The following GSE1 variants were observed in gnomAD, a reference collection of about 807,000 sequenced individuals.
The protein encoded by GSE1 is Gse1 coiled-coil protein, also known as genetic suppressor element 1.
In GSE1, 32 loss-of-function variants were observed where a neutral mutation model predicts 112.6. The observed-to-expected ratio is 0.28, with a 90% CI of 0.21 to 0.38. The LOEUF is 0.38. GSE1 is among the 10% of genes least tolerant of loss of function. GSE1 has a pLI of 1.00. For missense variants in GSE1, 2,348 were observed against 1,699.2 expected (o/e 1.38, Z -6.71); for synonymous variants, 1,115 against 735.6 (o/e 1.52, Z -8.35).
At chr16:85,176,545 A>ATTGCTGCAT (rs1377799616) in intron 1 of GSE1, among the ~76,000 whole-genome samples, 1 of 152,250 alleles carries the variant, frequency 6.6e-6, no homozygotes, top group Non-Finnish European at 1.5e-5. Flanking sequence ...CTCCCGTCGA[A>ATTGCTGCAT]GATGGGTCTG....
intron 1 of GSE1, among the ~76,000 whole-genome samples, chr16:85,246,476 C>G (rs889728531): frequency 1.5e-4 from 10 of 64,590 alleles, no homozygotes; most frequent in African/African-American, 4.2e-4. Flanking sequence ...ACGCTGCACA[C>G]ACACACACAC....
At chr16:85,491,383 A>G (rs1227622410) in intron 2 of GSE1, among the ~76,000 whole-genome samples, 1 of 152,176 alleles carries the variant, frequency 6.6e-6, no homozygotes, top group Non-Finnish European at 1.5e-5. Flanking sequence ...CTACAGGAAC[A>G]GGAGAGGTGG....
At chr16:85,522,400 C>T (rs2052216915) in intron 2 of GSE1, among the ~76,000 whole-genome samples, 1 of 141,152 alleles carries the variant, frequency 7.1e-6, no homozygotes, top group African/African-American at 2.5e-5. Flanking sequence ...CCCAGCCCAT[C>T]CCTCCCCATG....
intron 2 of GSE1, among the ~76,000 whole-genome samples, chr16:85,523,919 G>C (rs1190785708): frequency 6.6e-6 from 1 of 152,242 alleles, no homozygotes; most frequent in East Asian, 1.9e-4. Context: ...GGAGGGCGCA[G>C]GAGGGGGCAG....
At chr16:85,670,908 G>A in intron 14 of GSE1, 87 bp from the exon 15 acceptor site, 3 of 822,690 alleles carry the variant, frequency 3.6e-6, no homozygotes, top group East Asian at 2.5e-5. Flanking sequence ...TTTGGGCTCT[G>A]CTGGGCAGGG....
chr16:85,424,110 C>A (rs576159514), intron 2 of GSE1, among the ~76,000 whole-genome samples: 2 of 152,384 alleles, frequency 1.3e-5, no homozygotes, highest in South Asian at 2.1e-4. Flanking sequence ...GAAGAGTGTT[C>A]TGGGGTCTCT....
chr16:85,590,298 G>C (rs542320381), intron 1 of GSE1, among the ~76,000 whole-genome samples: 1 of 151,520 alleles, frequency 6.6e-6, no homozygotes, highest in Non-Finnish European at 1.5e-5. Flanking sequence ...GACTGTGTGT[G>C]TGAACGCATG....
upstream of GSE1, among the ~76,000 whole-genome samples, chr16:85,552,195 T>G (rs986439074): frequency 1.3e-4 from 19 of 151,746 alleles, no homozygotes; most frequent in African/African-American, 4.4e-4. Flanking sequence ...CCAGCTAATT[T>G]TTTGTATTTT....
intron 2 of GSE1, among the ~76,000 whole-genome samples, chr16:85,546,234 G>A (rs780627491): frequency 1.9e-4 from 29 of 152,104 alleles, no homozygotes; most frequent in Admixed American, 5.2e-4. Context: ...ACAGACGTGC[G>A]CCACTGTGCC....
chr16:85,563,672 G>A (rs1345868053), intron 1 of GSE1, among the ~76,000 whole-genome samples: 5 of 152,218 alleles, frequency 3.3e-5, no homozygotes, highest in Admixed American at 1.3e-4. Context: ...GACAGGAAGC[G>A]CCCTCTGACC....
intron 1 of GSE1, among the ~76,000 whole-genome samples, chr16:85,572,108 C>T (rs893240637): frequency 1.3e-5 from 2 of 150,348 alleles, no homozygotes; most frequent in African/African-American, 4.9e-5. Context: ...ACACACACAC[C>T]ACACACAACG....
rs1428724628 is a variant in GSE1, at chr16:85,523,018, TGTG to T, written c.2465-110895_2465-110893del. Among the ~76,000 whole-genome samples the T allele has an allele frequency of 5.9e-5, 9 of 152,076 alleles. No individual in the cohort carries two copies. In the East Asian group the frequency reaches 1.3e-3, roughly 23 times the overall value. On this transcript the variant is annotated intron_variant, in intron 2 of 2. Transcript: ENST00000637419. ...TGAATGTGACTATGTGGGCACGTGT[TGTG>T]TGTATGCGTGTGTGTCTTTTGTGTG...
intron 1 of GSE1, among the ~76,000 whole-genome samples, chr16:85,566,351 C>T (rs988913653): frequency 1.3e-5 from 2 of 152,184 alleles, no homozygotes; most frequent in Non-Finnish European, 2.9e-5. Context: ...CCACGCACAG[C>T]GCCGTGGTCA....
intron 1 of GSE1, among the ~76,000 whole-genome samples, chr16:85,296,762 C>G (rs1001023872): frequency 6.6e-6 from 1 of 152,202 alleles, no homozygotes; most frequent in East Asian, 1.9e-4. Flanking sequence ...CTTTCATGTC[C>G]TAACTCCTTC....
rs1263772596 is a variant in GSE1, at chr16:85,676,181, A to C, written c.*3642A>C. The C allele has an allele frequency of 1.3e-5, 2 of 152,698 alleles. No individual in the cohort carries two copies. The highest frequency in any genetic ancestry group is 2.9e-5 in the Non-Finnish European group (2 of 68,052). The allele number at this position is 152,698 out of a possible 1,614,324, so 9.5% of individuals were successfully genotyped here. ...CTGTAATTTCTGACAACATCCAAAA[A>C]ATAAAATCTTCCTAAATTATGTTAA... On this transcript the variant is annotated 3_prime_UTR_variant, in exon 16 of 16. Transcript: ENST00000253458.
exon 1 of GSE1, chr16:85,171,012 C>T: frequency 1.0e-6 from 1 of 985,594 alleles, no homozygotes; most frequent in Non-Finnish European, 1.2e-6. Context: ...GGGCGGTCCC[C>T]TCCAGGATCC....
chr16:85,626,867 G>A (rs1598434181), intron 1 of GSE1, among the ~76,000 whole-genome samples: 1 of 151,948 alleles, frequency 6.6e-6, no homozygotes, highest in East Asian at 1.9e-4. Flanking sequence ...ATTTAATGGA[G>A]TAGAGAGGCC....
At chr16:85,385,282 G>C (rs2047662716) in intron 2 of GSE1, among the ~76,000 whole-genome samples, 1 of 152,220 alleles carries the variant, frequency 6.6e-6, no homozygotes, top group African/African-American at 2.4e-5. Flanking sequence ...GTGCGTCTCT[G>C]GCCCAGGTGC....
At position 85,442,479 on chromosome 16, in the gene GSE1, G is replaced by C. The variant is rs79132023; in HGVS notation, c.2464+84836G>C. ...ATGAATGAATGAATGAAGGGATAGA[G>C]AGAGGGGAGCCTCGGGCAGGCTAGA... On this transcript the variant is annotated intron_variant, in intron 2 of 2. Coordinates refer to the GSE1 transcript ENST00000637419. Among the ~76,000 whole-genome samples the C allele has an allele frequency of 5.0e-3, 762 of 151,140 alleles. 8 individuals are homozygous for C. Among genetic ancestry groups the C allele is most frequent in the African/African-American group, 0.018 (730 of 40,832 alleles).
Sources: gnomAD v4.1 joint callset for allele counts (sites outside exome capture counted in the v4.1 genomes callset) on GRCh38, gnomAD v4.1.1 for gene constraint, MANE v1.5 for transcripts, NCBI Gene and HGNC (gene_info 2026-07-23, HGNC 2026-07-21) for gene names.